Variants in POU1F1 observed in about 807,000 individuals in gnomAD.
The protein encoded by POU1F1 is POU class 1 homeobox 1, also known as pituitary-specific positive transcription factor 1.
Under a neutral mutation model 32.3 loss-of-function variants are expected in POU1F1, and 23 were observed. The observed-to-expected ratio is 0.71, with a 90% CI of 0.51 to 1.01. The LOEUF (loss-of-function observed/expected upper bound fraction) is 1.01, where lower values mean the gene tolerates loss of function less well. POU1F1 is among the 50% of genes least tolerant of loss of function. POU1F1 has a pLI of 0.00. For synonymous variants in POU1F1, 120 were observed against 115.6 expected (o/e 1.04, Z -0.25); for missense variants, 323 against 341.6 (o/e 0.95, Z 0.43).
chr3:87,273,270 T>C (rs1706759951), intron 2 of POU1F1, 77 bp downstream of exon 2: 1 of 1,411,862 alleles, frequency 7.1e-7, no homozygotes, highest in Non-Finnish European at 9.9e-7. Flanking sequence ...CACACTCTGA[T>C]CACAATTCTT....
chr3:87,272,768 C>T (rs1706750801), intron 2 of POU1F1, among the ~76,000 whole-genome samples: 1 of 152,142 alleles, frequency 6.6e-6, no homozygotes, highest in Non-Finnish European at 1.5e-5. Context: ...ACAGCTATCA[C>T]TAAAGCCCCT....
At chr3:87,260,526 C>T (rs1343351299) in intron 5 of POU1F1, among the ~76,000 whole-genome samples, 1 of 152,148 alleles carries the variant, frequency 6.6e-6, no homozygotes, top group African/African-American at 2.4e-5. Flanking sequence ...TTAGTATTTG[C>T]TAAGCATGTC....
At chr3:87,270,698 TG>T (rs1706707110) in intron 2 of POU1F1, among the ~76,000 whole-genome samples, 1 of 152,182 alleles carries the variant, frequency 6.6e-6, no homozygotes, top group African/African-American at 2.4e-5. Flanking sequence ...ATTTGATTAA[TG>T]ACTTAAGACT....
rs104893759 is a variant in POU1F1 at position 87,264,299 on chromosome 3, C to A, written c.428G>T (p.Arg143Leu). Residue 143 changes from arginine (R) to leucine (L), a missense_variant, in exon 3 of 6, where the codon CGA (arginine) becomes CTA (leucine). By Grantham distance (102) the Arg-to-Leu change is moderately radical. Transcript: ENST00000350375. ...EKFANEFKVR[R>L]IKLGYTQTNV... ...TAACAAGCACATACCTAATTTAATT[C>A]GTCTCACTTTAAATTCATTGGCAAA... 1.9e-6 allele frequency: 3 copies of A among 1,609,802 alleles called. No individual in the cohort carries two copies. Among genetic ancestry groups the A allele is most frequent in the Non-Finnish European group, 1.7e-6 (2 of 1,176,186 alleles).
At chr3:87,271,017 T>C (rs1231158201) in intron 2 of POU1F1, among the ~76,000 whole-genome samples, 2 of 152,082 alleles carry the variant, frequency 1.3e-5, no homozygotes, top group Non-Finnish European at 2.9e-5. Context: ...GTGCTTGTGA[T>C]GGTGAGTTTT....
At position 87,262,095 on chromosome 3, in the gene POU1F1, G is replaced by A; in HGVS notation, c.580C>T (p.Leu194=). The part of the protein sequence containing the change: ...CKLKAILSKW[L]EEAEQVGALY... ...CCTCCTACTTGCTCAGCTTCCTCCA[G>A]CCATTTGGATAATATTGCTTTCAGT... The change falls in exon 4 of 6, where the codon CTG becomes TTG. Residue 194 remains leucine, a synonymous_variant. Transcript: ENST00000350375. The A allele has an allele frequency of 6.2e-7, 1 of 1,614,062 alleles. No individual in the cohort carries two copies. The highest frequency in any genetic ancestry group is 8.5e-7 in the Non-Finnish European group (1 of 1,179,958).
intron 3 of POU1F1, 102 bp downstream of exon 3, chr3:87,264,186 A>G: frequency 1.1e-6 from 1 of 928,978 alleles, no homozygotes; most frequent in Non-Finnish European, 1.7e-6. Context: ...GAGATGAAGA[A>G]TGAGAATCAT....
chr3:87,260,230 A>T (rs1706484366), intron 5 of POU1F1, 126 bp from the exon 6 acceptor site: 1 of 723,760 alleles, frequency 1.4e-6, no homozygotes, highest in South Asian at 1.6e-5. Context: ...AACTCTGAAC[A>T]CACTTGCAGG....
At chr3:87,263,575 T>C (rs1435124743) in intron 3 of POU1F1, among the ~76,000 whole-genome samples, 2 of 152,118 alleles carry the variant, frequency 1.3e-5, no homozygotes, top group Non-Finnish European at 2.9e-5. Context: ...TCTATCAAAA[T>C]TACCAGTACA....
At chr3:87,273,621 G>A in intron 1 of POU1F1, 1 of 911,912 alleles carries the variant, frequency 1.1e-6, no homozygotes, top group Non-Finnish European at 1.6e-6. Context: ...CTGACGAGTA[G>A]GTTAAAACTA....
intron 3 of POU1F1, among the ~76,000 whole-genome samples, chr3:87,263,403 A>G (rs1288681747): frequency 6.6e-6 from 1 of 152,096 alleles, no homozygotes; most frequent in Non-Finnish European, 1.5e-5. Context: ...TTATAGTTAT[A>G]CTCTTCTAGA....
intron 2 of POU1F1, among the ~76,000 whole-genome samples, chr3:87,268,441 A>G (rs1252768697): frequency 6.6e-6 from 1 of 151,926 alleles, no homozygotes; most frequent in Non-Finnish European, 1.5e-5. Context: ...AGTATCTACA[A>G]TTATCTGCAA....
chr3:87,274,726 T>A (rs999374954), intron 1 of POU1F1, among the ~76,000 whole-genome samples: 2 of 151,600 alleles, frequency 1.3e-5, no homozygotes, highest in African/African-American at 4.8e-5. Flanking sequence ...AATAGTTCCT[T>A]AGACAATTAG....
At chr3:87,261,746 G>A (rs1186815624) in intron 4 of POU1F1, among the ~76,000 whole-genome samples, 2 of 152,004 alleles carry the variant, frequency 1.3e-5, no homozygotes, top group Admixed American at 6.6e-5. Context: ...ATACAAATGT[G>A]ATTCATATAT....
At chr3:87,264,918 A>G (rs1405241668) in intron 2 of POU1F1, among the ~76,000 whole-genome samples, 3 of 152,096 alleles carry the variant, frequency 2.0e-5, no homozygotes, top group Non-Finnish European at 4.4e-5. Context: ...TGAATAAATA[A>G]TGGGTGATGT....
chr3:87,266,903 C>A (rs1706630996), intron 2 of POU1F1, among the ~76,000 whole-genome samples: 1 of 151,778 alleles, frequency 6.6e-6, no homozygotes, highest in African/African-American at 2.4e-5. Flanking sequence ...TTTATAAAAC[C>A]TTCACTTCTT....
At chr3:87,268,835 T>C (rs1216502072) in intron 2 of POU1F1, among the ~76,000 whole-genome samples, 2 of 152,182 alleles carry the variant, frequency 1.3e-5, no homozygotes, top group Non-Finnish European at 2.9e-5. Context: ...TTGCTATGTA[T>C]GCATTTCTGT....
In POU1F1 at chr3:87,259,978, G is replaced by A. The variant is rs749321525; in HGVS notation, c.792C>T (p.Asn264=). 4.3e-6 allele frequency: 7 copies of A among 1,613,984 alleles called. No homozygotes were observed. Among genetic ancestry groups the A allele is most frequent in the Non-Finnish European group, 5.9e-6 (7 of 1,180,020 alleles). Residue 264 remains asparagine, a synonymous_variant, in exon 6 of 6, where the codon AAC becomes AAT. Transcript: ENST00000350375. ...TCACCCGTTTTTCTCTCTGCCTCCG[G>A]TTGCAAAACCAAACTCTTACTACTT... The part of the protein sequence containing the change: ...EKEVVRVWFC[N]RRQREKRVKT...
At chr3:87,276,193 A>G (rs1057367705) in intron 1 of POU1F1, 128 bp downstream of exon 1, 1 of 1,222,852 alleles carries the variant, frequency 8.2e-7, no homozygotes, top group Non-Finnish European at 1.2e-6. Context: ...TGCTTACTTC[A>G]CTTAAGACAA....
Sources: gnomAD v4.1 joint callset for allele counts (sites outside exome capture counted in the v4.1 genomes callset) on GRCh38, gnomAD v4.1.1 for gene constraint, MANE v1.5 for transcripts, NCBI Gene and HGNC (gene_info 2026-07-23, HGNC 2026-07-21) for gene names.